SEC31A: variants seen among roughly 807,000 people sequenced by gnomAD.
The protein encoded by SEC31A is SEC31 homolog A, COPII component, also known as protein transport protein Sec31A.
SEC31A carries 70 observed loss-of-function variants against 151.0 expected under a neutral mutation model. The ratio of observed to expected loss-of-function variants is 0.46; its 90% confidence interval spans 0.38 to 0.57. The LOEUF (loss-of-function observed/expected upper bound fraction) is 0.57, where lower values mean the gene tolerates loss of function less well. Among genes scored for constraint, SEC31A ranks in the 20% least tolerant of loss-of-function variants. The pLI, the probability that SEC31A is intolerant of heterozygous loss-of-function variation, is 0.00. For missense variants in SEC31A, 1,330 were observed against 1,471.2 expected (o/e 0.90, Z 1.57); for synonymous variants, 475 against 505.9 (o/e 0.94, Z 0.82).
chr4:82,838,101 A>T (rs1465205923), intron 22 of SEC31A, among the ~76,000 whole-genome samples: 1 of 152,220 alleles, frequency 6.6e-6, no homozygotes, highest in African/African-American at 2.4e-5. Context: ...TACAAGATAG[A>T]ATTATCCAAA....
chr4:82,857,723 T>C lies in SEC31A; in HGVS notation c.1668A>G (p.Ser556=), dbSNP rs1732991740. 9 of 1,604,094 alleles carry C rather than the reference T, an allele frequency of 5.6e-6. No homozygotes were observed. The highest frequency in any genetic ancestry group is 1.7e-5 in the Admixed American group (1 of 59,960). The change falls in exon 15 of 27, where the codon TCA becomes TCG. Residue 556 remains serine, a synonymous_variant. Transcript: ENST00000395310. ...CAGAGATATTAAATGTTCCTCCAGA[T>C]GAGGGTAGAAATTCAGATTCTTCTT... ...EEKEESEFLP[S]SGGTFNISVS...
intron 22 of SEC31A, among the ~76,000 whole-genome samples, chr4:82,836,183 G>C (rs915606779): frequency 1.3e-5 from 2 of 151,940 alleles, no homozygotes; most frequent in Non-Finnish European, 2.9e-5. Flanking sequence ...GACCAGCCTG[G>C]CCAATATGGC....
intron 16 of SEC31A, among the ~76,000 whole-genome samples, chr4:82,855,291 C>T (rs1420295516): frequency 6.6e-6 from 1 of 152,164 alleles, no homozygotes; most frequent in Non-Finnish European, 1.5e-5. Flanking sequence ...AAAGGTGTGA[C>T]CTGGTCAGAT....
At chr4:82,885,603 T>G (rs899611137) in intron 1 of SEC31A, among the ~76,000 whole-genome samples, 1 of 152,190 alleles carries the variant, frequency 6.6e-6, no homozygotes, top group African/African-American at 2.4e-5. Flanking sequence ...AGTGTTTACC[T>G]TTGAACTCCT....
chr4:82,847,191 C>A (rs2149305931), intron 20 of SEC31A, among the ~76,000 whole-genome samples: 1 of 152,270 alleles, frequency 6.6e-6, no homozygotes, highest in South Asian at 2.1e-4. Flanking sequence ...GTACCCCTAA[C>A]CCACATGGTT....
intron 16 of SEC31A, among the ~76,000 whole-genome samples, chr4:82,856,052 G>A (rs113143147): frequency 5.3e-5 from 8 of 152,174 alleles, no homozygotes; most frequent in African/African-American, 1.9e-4. Flanking sequence ...ATAAACAAGC[G>A]TGTTTATTTC....
At chr4:82,855,796 G>A (rs1560622958) in intron 16 of SEC31A, among the ~76,000 whole-genome samples, 1 of 152,092 alleles carries the variant, frequency 6.6e-6, no homozygotes, top group Admixed American at 6.5e-5. Context: ...TTGGAGGGTG[G>A]GAGGAGAGAG....
intron 8 of SEC31A, among the ~76,000 whole-genome samples, chr4:82,867,601 T>C (rs1432374597): frequency 1.3e-5 from 2 of 152,198 alleles, no homozygotes; most frequent in African/African-American, 4.8e-5. Context: ...ATGGATGCAT[T>C]TGAAAGACCA....
At chr4:82,834,385 A>G (rs186016715) in intron 22 of SEC31A, among the ~76,000 whole-genome samples, 197 of 152,332 alleles carry the variant, frequency 1.3e-3, no homozygotes, top group African/African-American at 4.3e-3. Flanking sequence ...GTGGGTGTTA[A>G]AGCCTGGGAG....
At chr4:82,831,601 T>C (rs2149066540) in intron 22 of SEC31A, among the ~76,000 whole-genome samples, 1 of 152,310 alleles carries the variant, frequency 6.6e-6, no homozygotes, top group East Asian at 1.9e-4. Flanking sequence ...AACCTGCATT[T>C]GATAAGGATA....
At chr4:82,852,986 A>T (rs974956168) in intron 18 of SEC31A, among the ~76,000 whole-genome samples, 2 of 152,184 alleles carry the variant, frequency 1.3e-5, no homozygotes. Context: ...TGCTCCCACG[A>T]GAATCTAATG....
upstream of SEC31A, chr4:82,891,327 G>A (rs977335694): frequency 1.3e-6 from 1 of 754,206 alleles, no homozygotes; most frequent in Non-Finnish European, 2.1e-6. Flanking sequence ...GGGAGGCGGG[G>A]TACGGCTCCG....
rs1734149817 is a variant in SEC31A, at chr4:82,861,691, G to A, written c.1566C>T (p.Asp522=). 6.2e-7 allele frequency: 1 copy of A among 1,609,086 alleles called. No homozygotes were observed. Among genetic ancestry groups the A allele is most frequent in the Non-Finnish European group, 8.5e-7 (1 of 1,176,394 alleles). The stretch of plus-strand genomic sequence containing the variant: ...CCTCCCCATCACTCTGTGCTACTTG[G>A]TCAGAGTCTTTAAGAGCCTTTGGTA... ...DGANVALKDS[D]QVAQSDGEES... Residue 522 remains aspartate, a synonymous_variant, in exon 14 of 27, where the codon GAC becomes GAT. Coordinates refer to ENST00000395310, the MANE Select transcript of SEC31A (RefSeq NM_001077207.4).
chr4:82,849,003 A>G, intron 19 of SEC31A, 26 bp from the exon 20 acceptor site: 1 of 1,604,420 alleles, frequency 6.2e-7, no homozygotes, highest in Non-Finnish European at 8.5e-7. Flanking sequence ...AAAACAGCAG[A>G]CTGTTGAGAG....
rs375543544 is a variant in SEC31A, at chr4:82,861,081, A to C, written c.1626+550T>G. The stretch of plus-strand genomic sequence containing the variant: ...GTTCATTAGTGGTTAAAAAAAAAAA[A>C]ACACCCAGAAAATTAAAAGGAAAAA... On this transcript the variant is annotated intron_variant, in intron 14 of 26. Transcript: ENST00000395310. Among the ~76,000 whole-genome samples, 176 of 151,806 alleles carry C rather than the reference A, an allele frequency of 1.2e-3. 3 individuals are homozygous for C. In the South Asian group the frequency reaches 0.034, roughly 29 times the overall value.
At chr4:82,871,678 A>G (rs1040391939) in intron 7 of SEC31A, 11 of 526,516 alleles carry the variant, frequency 2.1e-5, no homozygotes, top group East Asian at 3.2e-5. Flanking sequence ...AAATTTTTAT[A>G]AAACTATAAA....
intron 1 of SEC31A, among the ~76,000 whole-genome samples, chr4:82,886,122 A>G (rs974991392): frequency 3.9e-5 from 6 of 152,338 alleles, no homozygotes; most frequent in Middle Eastern, 3.4e-3. Context: ...TTCAATTTTT[A>G]TATCATAGAG....
intron 19 of SEC31A, among the ~76,000 whole-genome samples, chr4:82,849,528 G>C (rs1052802962): frequency 6.6e-5 from 10 of 151,228 alleles, no homozygotes; most frequent in African/African-American, 2.4e-4. Flanking sequence ...GCAGAAGAAT[G>C]GCGTGAACCA....
rs867064496 is a variant in SEC31A, at chr4:82,820,139, T to C, written c.3484-886A>G. Among the ~76,000 whole-genome samples, 652 of 150,544 alleles carry C rather than the reference T, an allele frequency of 4.3e-3. 2 individuals carry two copies. The highest frequency in any genetic ancestry group is 0.015 in the African/African-American group (624 of 41,080). ...TACGCTAATTGTATCTTCTGTTTTT[T>C]TTTTTTTTTTTTGGAAATGCGGTCT... is the stretch of plus-strand genomic sequence containing the variant. On this transcript the variant is annotated intron_variant, in intron 26 of 26. Coordinates refer to ENST00000395310, the MANE Select transcript of SEC31A (RefSeq NM_001077207.4).
Sources: allele counts gnomAD v4.1 joint callset (sites outside exome capture counted in the v4.1 genomes callset), GRCh38; gene constraint gnomAD v4.1.1; transcripts MANE v1.5; gene names NCBI Gene and HGNC (gene_info 2026-07-23, HGNC 2026-07-21).